Variants in RBAK observed in about 807,000 individuals in gnomAD.
RBAK encodes RB-associated KRAB zinc finger protein.
A neutral mutation model predicts 65.8 loss-of-function variants in RBAK; 39 were observed. The ratio of observed to expected loss-of-function variants is 0.59; its 90% CI spans 0.46 to 0.77. The LOEUF is 0.77. Ranked by LOEUF, RBAK falls within the 30% of genes least tolerant of loss-of-function variation. RBAK has a pLI of 0.00. For missense variants in RBAK, 884 were observed against 855.1 expected (o/e 1.03, Z -0.42); for synonymous variants, 343 against 289.7 (o/e 1.18, Z -1.87).
chr7:5,057,718 G>A lies in RBAK; in HGVS notation c.177G>A (p.Lys59=), dbSNP rs763809913. ...YDTTKPNVII[K]LEQGEEPWIM... is the part of the protein sequence containing the mutation. ...CCACCAAGCCAAACGTCATCATTAA[G>A]TTGGAGCAGGGAGAGGAGCCGTGGA... is the stretch of plus-strand genomic sequence containing the variant. The change falls in exon 4 of 5, where the codon AAG becomes AAA. Residue 59 remains lysine (K), a synonymous_variant. Transcript: ENST00000396912. 6 of 1,613,946 alleles carry A rather than the reference G, an allele frequency of 3.7e-6. No homozygotes were observed. Among genetic ancestry groups the A allele is most frequent in the South Asian group, 2.2e-5 (2 of 91,076 alleles).
In RBAK at chr7:5,054,583, A is replaced by G. The variant is rs947047729; in HGVS notation, c.16-2712A>G. On this transcript the variant is annotated intron_variant, in intron 2 of 4. Transcript: ENST00000396912. ...GAAGTCCTCATGTCTCTCTCTATAT[A>G]TATTTTTTCTAATATATATATTTTT... is the stretch of plus-strand genomic sequence containing the variant. Among the ~76,000 whole-genome samples, 14 of 151,714 alleles carry G rather than the reference A, an allele frequency of 9.2e-5. No individual in the cohort carries two copies. The South Asian group carries it at 1.0e-3, about 11-fold the overall frequency.
In RBAK at chr7:5,064,767, C is replaced by T. The variant is rs916340685; in HGVS notation, c.1311C>T (p.Phe437=). 3.2e-5 allele frequency: 51 copies of T among 1,613,922 alleles called. No individual in the cohort carries two copies. In the Admixed American group the frequency reaches 5.8e-4, roughly 18 times the overall value. Residue 437 remains phenylalanine (F), a synonymous_variant, in exon 5 of 5, where the codon TTC becomes TTT. Transcript: ENST00000396912. This position sits in a 1 kb window ranked among gnomAD's most constrained non-coding sequence, Gnocchi z 6.3. ...KPYQCSECGK[F]FSRVSYLTIH... ...ATCAGTGTAGCGAGTGTGGGAAATT[C>T]TTTTCTCGGGTGTCATACCTCACTA...
At chr7:5,046,870 T>TACCCACC (rs1787999196) in intron 1 of RBAK, among the ~76,000 whole-genome samples, 1 of 152,206 alleles carries the variant, frequency 6.6e-6, no homozygotes, top group South Asian at 2.1e-4. Flanking sequence ...ACCGGGTCAC[T>TACCCACC]GGCTTTGTGG....
intron 2 of RBAK, among the ~76,000 whole-genome samples, chr7:5,054,584 T>C (rs1353584272): frequency 2.6e-5 from 4 of 151,900 alleles, no homozygotes; most frequent in Non-Finnish European, 5.9e-5. Context: ...TCTCTATATA[T>C]ATTTTTTCTA....
intron 4 of RBAK, among the ~76,000 whole-genome samples, chr7:5,062,457 A>G (rs1158470966): frequency 1.3e-5 from 2 of 152,214 alleles, no homozygotes; most frequent in Non-Finnish European, 2.9e-5. Flanking sequence ...TGGGTCACAG[A>G]GATCACATAC....
At chr7:5,050,576 AT>A (rs1278563314) in intron 2 of RBAK, among the ~76,000 whole-genome samples, 1 of 152,058 alleles carries the variant, frequency 6.6e-6, no homozygotes, top group Non-Finnish European at 1.5e-5. Flanking sequence ...ACTAGCCAAA[AT>A]ACCTTTCTTT....
rs1025877807 is a variant in RBAK, at chr7:5,065,759, C to T, written c.*158C>T. 3 of 486,686 alleles carry T rather than the reference C, an allele frequency of 6.2e-6. No homozygotes were observed. Among genetic ancestry groups the T allele is most frequent in the African/African-American group, 2.0e-5 (1 of 50,104 alleles). 30.1% of individuals were successfully genotyped at this position (486,686 alleles called of 1,614,324 possible). The stretch of plus-strand genomic sequence containing the variant: ...TCCAAATTTTCACAGAGAAGAATCC[C>T]GAAGAATGTAACAAGAAGCAAAGCC... On this transcript the variant is annotated 3_prime_UTR_variant, in exon 5 of 5. Coordinates refer to ENST00000396912, the MANE Select transcript of RBAK (RefSeq NM_021163.4). The surrounding 1 kb of genome is among the most constrained non-coding windows in gnomAD (Gnocchi z 5.3).
chr7:5,051,003 G>C (rs1425099335), intron 2 of RBAK, among the ~76,000 whole-genome samples: 3 of 152,132 alleles, frequency 2.0e-5, no homozygotes, highest in African/African-American at 4.8e-5. Flanking sequence ...TTATGAGCTC[G>C]TGGGTTTAAA....
At chr7:5,056,017 C>A (rs1244863326) in intron 2 of RBAK, among the ~76,000 whole-genome samples, 2 of 151,920 alleles carry the variant, frequency 1.3e-5, no homozygotes, top group Admixed American at 6.6e-5. Flanking sequence ...CAAGTTTGGG[C>A]AGGGCGTGCT....
In RBAK at chr7:5,064,566, G is replaced by C. The variant is rs1192760111; in HGVS notation, c.1110G>C (p.Glu370Asp). 2.5e-6 allele frequency: 4 copies of C among 1,613,912 alleles called. No homozygotes were observed. The highest frequency in any genetic ancestry group is 3.4e-6 in the Non-Finnish European group (4 of 1,179,958). Residue 370 changes from glutamate to aspartate, a missense_variant, in exon 5 of 5, where the codon GAG becomes GAC. Glu to Asp is a conservative substitution (Grantham distance 45, BLOSUM62 2). Transcript: ENST00000396912. This position sits in a 1 kb window ranked among gnomAD's most constrained non-coding sequence, Gnocchi z 6.3. Reference sequence around the variant, plus strand: ...TGCACCAGAGGAATCATTCAGGAGAGAGGCCCTATCCATGTAACGAATGTG... The same window carrying C: ...TGCACCAGAGGAATCATTCAGGAGACAGGCCCTATCCATGTAACGAATGTG... Reference protein sequence around the residue: ...LTLHQRNHSGERPYPCNECGK... With the variant: ...LTLHQRNHSGDRPYPCNECGK...
At chr7:5,050,844 T>C (rs1788101036) in intron 2 of RBAK, among the ~76,000 whole-genome samples, 1 of 152,172 alleles carries the variant, frequency 6.6e-6, no homozygotes. Flanking sequence ...GTGTTGGCAT[T>C]ACAGGCATGA....
chr7:5,058,285 C>A (rs1778976475), intron 4 of RBAK, among the ~76,000 whole-genome samples: 1 of 152,096 alleles, frequency 6.6e-6, no homozygotes, highest in African/African-American at 2.4e-5. Flanking sequence ...ATGTTGACCA[C>A]ACTGGTCTTG....
At chr7:5,061,956 A>G (rs1308229920) in intron 4 of RBAK, among the ~76,000 whole-genome samples, 1 of 151,976 alleles carries the variant, frequency 6.6e-6, no homozygotes, top group East Asian at 1.9e-4. Context: ...TTGGACATTC[A>G]CATGCCTGGA....
intron 1 of RBAK, among the ~76,000 whole-genome samples, chr7:5,047,783 T>G (rs979277596): frequency 6.6e-6 from 1 of 151,966 alleles, no homozygotes; most frequent in African/African-American, 2.4e-5. Flanking sequence ...TTTTTGTTAT[T>G]TTTAAGTAGA....
At position 5,046,239 on chromosome 7, in the gene RBAK, T is replaced by C. The variant is rs771656743; in HGVS notation, c.-202T>C. On this transcript the variant is annotated 5_prime_UTR_variant, in exon 1 of 5. Transcript: ENST00000396912. ...CTGGGTCCCGGGAAGGACACCCGCCTGGATTTGCCCCTTAGGCCCGGCCCG... is the reference window on the plus strand; with the variant it reads ...CTGGGTCCCGGGAAGGACACCCGCCCGGATTTGCCCCTTAGGCCCGGCCCG... 1.2e-5 allele frequency: 6 copies of C among 512,366 alleles called. No individual in the cohort carries two copies. The highest frequency in any genetic ancestry group is 8.5e-5 in the South Asian group (6 of 70,648). 31.7% of individuals were successfully genotyped at this position (512,366 alleles called of 1,614,324 possible).
intron 2 of RBAK, among the ~76,000 whole-genome samples, chr7:5,050,842 A>G (rs1219305789): frequency 6.6e-6 from 1 of 152,154 alleles, no homozygotes; most frequent in African/African-American, 2.4e-5. Context: ...CAGTGTTGGC[A>G]TTACAGGCAT....
Position 5,055,604 on chromosome 7 carries a change from G to T in RBAK, c.16-1691G>T, listed in dbSNP as rs540291887. Reference sequence around the variant, plus strand: ...ATATTATTGGAATAAGTCCCATTTGGCTATTGTATATTATGTTTTTAATCT... The same window carrying T: ...ATATTATTGGAATAAGTCCCATTTGTCTATTGTATATTATGTTTTTAATCT... On this transcript the variant is annotated intron_variant, in intron 2 of 4. Coordinates refer to ENST00000396912, the MANE Select transcript of RBAK (RefSeq NM_021163.4). Among the ~76,000 whole-genome samples, 5 of 152,088 alleles carry T rather than the reference G, an allele frequency of 3.3e-5. No homozygotes were observed. The South Asian group carries it at 1.0e-3, about 32-fold the overall frequency.
intron 2 of RBAK, among the ~76,000 whole-genome samples, chr7:5,055,307 A>G (rs1376546649): frequency 6.6e-6 from 1 of 151,936 alleles, no homozygotes; most frequent in Non-Finnish European, 1.5e-5. Context: ...CACAAACTGT[A>G]TATATATGTG....
intron 4 of RBAK, among the ~76,000 whole-genome samples, chr7:5,059,797 C>G (rs1035064989): frequency 1.3e-5 from 2 of 152,122 alleles, no homozygotes; most frequent in Non-Finnish European, 2.9e-5. Context: ...GGAGTGTATG[C>G]TCTATGAATA....
Sources: gnomAD v4.1 joint callset for allele counts (sites outside exome capture counted in the v4.1 genomes callset) on GRCh38, gnomAD v4.1.1 for gene constraint, Gnocchi (gnomAD v3.1) non-coding constraint, MANE v1.5 for transcripts, NCBI Gene and HGNC (gene_info 2026-07-23, HGNC 2026-07-21) for gene names.